Variants in ADAM32 observed in about 807,000 individuals in gnomAD.
ADAM32 encodes the protein ADAM metallopeptidase domain 32.
ADAM32 carries 89 observed loss-of-function variants against 114.9 expected under a neutral mutation model. The ratio of observed to expected loss-of-function variants is 0.77; its 90% CI spans 0.65 to 0.92. The LOEUF (loss-of-function observed/expected upper bound fraction) is 0.92. ADAM32 is among the 40% of genes least tolerant of loss of function. The pLI, the probability that ADAM32 is intolerant of heterozygous loss-of-function variation, is 0.00. For synonymous variants in ADAM32, 285 were observed against 307.5 expected, an observed-to-expected ratio of 0.93 and a Z score of 0.77; for missense variants, 870 against 932.8, an observed-to-expected ratio of 0.93 and a Z score of 0.88.
chr8:39,124,421 T>TA (rs1305600206), intron 2 of ADAM32, among the ~76,000 whole-genome samples: 86 of 151,468 alleles, frequency 5.7e-4, no homozygotes, highest in African/African-American at 2.0e-3. Context: ...TTTCTTTTTT[T>TA]TTTTTTTTAT....
chr8:39,238,332 A>T (rs901700384), intron 16 of ADAM32, among the ~76,000 whole-genome samples: 1 of 152,226 alleles, frequency 6.6e-6, no homozygotes, highest in Non-Finnish European at 1.5e-5. Flanking sequence ...AGCAGTAATG[A>T]TCACTGTGGT....
chr8:39,213,404 C>G (rs1043945177), intron 12 of ADAM32, among the ~76,000 whole-genome samples: 3 of 150,658 alleles, frequency 2.0e-5, no homozygotes, highest in African/African-American at 7.3e-5. Flanking sequence ...CCCTACTGTA[C>G]TATTGAGTGC....
At chr8:39,231,005 T>G (rs1809700206) in intron 14 of ADAM32, among the ~76,000 whole-genome samples, 1 of 152,172 alleles carries the variant, frequency 6.6e-6, no homozygotes. Flanking sequence ...AGACAAACCT[T>G]GGATAATTCC....
Position 39,233,881 on chromosome 8 carries a change from TA to T in ADAM32, c.1635-17del. ...ATTCCTAATGTATAATAATCATATATATTTTTTATGTTTTCAGGAATCTTAT... is the reference window on the plus strand; with the variant it reads ...ATTCCTAATGTATAATAATCATATATTTTTTTATGTTTTCAGGAATCTTAT... On this transcript the variant is annotated splice_polypyrimidine_tract_variant and intron_variant, in intron 15 of 24. Coordinates refer to ENST00000379907, the MANE Select transcript of ADAM32 (RefSeq NM_145004.7). The T allele has an allele frequency of 7.1e-7, 1 of 1,403,986 alleles. No individual in the cohort carries two copies. The highest frequency in any genetic ancestry group is 1.7e-5 in the South Asian group (1 of 57,676). 87.0% of individuals were successfully genotyped at this position (1,403,986 alleles called of 1,614,324 possible). A position where few individuals can be genotyped will look rare whatever the true frequency, so the allele number is the denominator to read the frequency against.
chr8:39,165,924 G>C (rs997458421), intron 9 of ADAM32: 2 of 151,980 alleles, frequency 1.3e-5, no homozygotes, highest in Non-Finnish European at 2.9e-5. Flanking sequence ...GTGGATTTGA[G>C]CATCTTTTCA....
At chr8:39,272,101 G>GAAAAAA (rs11366445) in intron 20 of ADAM32, among the ~76,000 whole-genome samples, 35 of 65,792 alleles carry the variant, frequency 5.3e-4, no homozygotes, top group Non-Finnish European at 6.4e-4. Context: ...GTGAGCTCCA[G>GAAAAAA]AAAAAAAAAA....
chr8:39,238,720 A>G (rs1361381839), intron 16 of ADAM32, among the ~76,000 whole-genome samples: 1 of 152,162 alleles, frequency 6.6e-6, no homozygotes, highest in Non-Finnish European at 1.5e-5. Flanking sequence ...AGAAATAGAG[A>G]TCAGAAATAA....
At chr8:39,151,666 A>C in intron 6 of ADAM32, 118 bp downstream of exon 6, 1 of 748,200 alleles carries the variant, frequency 1.3e-6, no homozygotes, top group South Asian at 3.2e-5. Flanking sequence ...TTCCTTGTGA[A>C]CATCTTATCT....
At chr8:39,178,816 C>G (rs749029723) in intron 10 of ADAM32, among the ~76,000 whole-genome samples, 1 of 152,134 alleles carries the variant, frequency 6.6e-6, no homozygotes, top group Non-Finnish European at 1.5e-5. Flanking sequence ...GGGGTTCACT[C>G]CAGACCCTAG....
At chr8:39,159,801 A>T (rs1476819976) in intron 6 of ADAM32, among the ~76,000 whole-genome samples, 4 of 152,120 alleles carry the variant, frequency 2.6e-5, no homozygotes. Context: ...ATTCTTTGAG[A>T]ACAAATTTGG....
At position 39,136,638 on chromosome 8, in the gene ADAM32, G is replaced by C. The variant is rs1802821033; in HGVS notation, c.139-19G>C. 1 of 1,482,174 alleles carries C rather than the reference G, an allele frequency of 6.7e-7. No homozygotes were observed. The allele number at this position is 1,482,174 out of a possible 1,614,324, so 91.8% of individuals were successfully genotyped here. A position where few individuals can be genotyped will look rare whatever the true frequency, so the allele number is the denominator to read the frequency against. On this transcript the variant is annotated intron_variant, in intron 2 of 24. Coordinates refer to ENST00000379907, the MANE Select transcript of ADAM32 (RefSeq NM_145004.7). ...TGTATTAAATTTGTCTTCACTCTCA[G>C]TTGTTTTGAATTCTCTAGGAACAAA...
chr8:39,221,681 A>G lies in ADAM32; in HGVS notation c.1305A>G (p.Gly435=). 1 of 1,611,494 alleles carries G rather than the reference A, an allele frequency of 6.2e-7. No homozygotes were observed. Among genetic ancestry groups the G allele is most frequent in the Non-Finnish European group, 8.5e-7 (1 of 1,178,432 alleles). The part of the protein sequence containing the change: ...VLKDGAKCYK[G]LCCKDCQILQ... ...AAGACGGAGCAAAATGTTATAAAGG[A>G]CTGTGCTGCAAAGACTGTCAAGTAA... is the stretch of plus-strand genomic sequence containing the variant. The change falls in exon 13 of 25, where the codon GGA becomes GGG. Residue 435 remains glycine, a synonymous_variant. Coordinates refer to ENST00000379907, the MANE Select transcript of ADAM32 (RefSeq NM_145004.7).
intron 20 of ADAM32, among the ~76,000 whole-genome samples, chr8:39,271,483 G>T (rs1410555210): frequency 1.4e-5 from 2 of 144,066 alleles, no homozygotes; most frequent in Non-Finnish European, 3.0e-5. Flanking sequence ...AGCCACTAAA[G>T]GTGGTGATGC....
At chr8:39,127,150 T>C (rs1196985526) in intron 2 of ADAM32, among the ~76,000 whole-genome samples, 4 of 152,120 alleles carry the variant, frequency 2.6e-5, no homozygotes, top group Admixed American at 2.0e-4. Context: ...TGTATCTCTG[T>C]CAGGTTTTGG....
chr8:39,151,331 A>G lies in ADAM32; in HGVS notation c.354-46A>G, dbSNP rs74939850. 4.9e-3 allele frequency: 7,084 copies of G among 1,439,148 alleles called. 303 individuals carry two copies. In the African/African-American group the frequency reaches 0.092, roughly 19 times the overall value. 89.1% of individuals were successfully genotyped at this position (1,439,148 alleles called of 1,614,324 possible). On this transcript the variant is annotated intron_variant, in intron 5 of 24. Coordinates refer to ENST00000379907, the MANE Select transcript of ADAM32 (RefSeq NM_145004.7). ...TTGGATTTTGTCAGAAATTCATTATATAGATTTGATTAAAAGCACTTAAAA... is the reference window on the plus strand; with the variant it reads ...TTGGATTTTGTCAGAAATTCATTATGTAGATTTGATTAAAAGCACTTAAAA...
intron 22 of ADAM32, 82 bp downstream of exon 22, chr8:39,275,948 C>G: frequency 3.1e-6 from 4 of 1,300,934 alleles, no homozygotes; most frequent in Non-Finnish European, 4.2e-6. Context: ...TTAACAATTA[C>G]TTGCTAACTA....
chr8:39,276,297 GA>G (rs34083242), intron 22 of ADAM32: 32,415 of 141,800 alleles, frequency 0.23, 3,642 homozygotes, highest in East Asian at 0.3. Context: ...AGAATTTGTT[GA>G]AAAAAAAAAA....
At chr8:39,232,565 C>G (rs1809815105) in intron 15 of ADAM32, among the ~76,000 whole-genome samples, 1 of 152,124 alleles carries the variant, frequency 6.6e-6, no homozygotes, top group Non-Finnish European at 1.5e-5. Context: ...CTACTATATG[C>G]CAGACACTGG....
intron 19 of ADAM32, among the ~76,000 whole-genome samples, chr8:39,268,984 T>C (rs1298590813): frequency 1.3e-5 from 2 of 152,180 alleles, no homozygotes; most frequent in East Asian, 1.9e-4. Flanking sequence ...AATTATTCCC[T>C]TTGTTCATTT....
Sources: gnomAD v4.1 joint callset for allele counts (sites outside exome capture counted in the v4.1 genomes callset) on GRCh38, gnomAD v4.1.1 for gene constraint, MANE v1.5 for transcripts, NCBI Gene and HGNC (gene_info 2026-07-23, HGNC 2026-07-21) for gene names.